The following HS6ST3 variants were observed in gnomAD, a reference collection of about 807,000 sequenced individuals.
HS6ST3 encodes heparan sulfate 6-O-sulfotransferase 3, also known as heparan-sulfate 6-O-sulfotransferase 3.
HS6ST3 carries 12 observed loss-of-function variants against 36.7 expected under a neutral mutation model. The ratio of observed to expected loss-of-function variants is 0.33; its 90% CI spans 0.21 to 0.53. The LOEUF is 0.53. Among genes scored for constraint, HS6ST3 ranks in the 20% least tolerant of loss-of-function variants. HS6ST3 has a pLI of 0.95. For missense variants in HS6ST3, 584 were observed against 640.9 expected (o/e 0.91, Z 0.96); for synonymous variants, 240 against 257.5 (o/e 0.93, Z 0.65).
At position 96,626,582 on chromosome 13, in the gene HS6ST3, C is replaced by G. The variant is rs541935450; in HGVS notation, c.708-205908C>G. ...ATTTTATTTTATTCTTCAATTGTAC[C>G]TTGGTTGTTCTTGATCATTTACTAT... On this transcript the variant is annotated intron_variant, in intron 1 of 1. Coordinates refer to ENST00000376705, the MANE Select transcript of HS6ST3 (RefSeq NM_153456.4). Among the ~76,000 whole-genome samples, 24 of 151,996 alleles carry G rather than the reference C, an allele frequency of 1.6e-4. No individual in the cohort carries two copies. The South Asian group carries it at 4.2e-3, about 26-fold the overall frequency.
intron 1 of HS6ST3, among the ~76,000 whole-genome samples, chr13:96,831,612 A>T (rs1878783059): frequency 6.6e-6 from 1 of 152,146 alleles, no homozygotes; most frequent in Non-Finnish European, 1.5e-5. Context: ...CACCCAACGC[A>T]TCCTTCCTCA....
intron 1 of HS6ST3, among the ~76,000 whole-genome samples, chr13:96,305,361 T>C (rs2054906996): frequency 6.6e-6 from 1 of 152,190 alleles, no homozygotes; most frequent in Non-Finnish European, 1.5e-5. Flanking sequence ...GGCAATAAAG[T>C]TTGATAGCAA....
intron 1 of HS6ST3, among the ~76,000 whole-genome samples, chr13:96,113,617 T>C (rs1348702277): frequency 1.3e-5 from 2 of 152,188 alleles, no homozygotes; most frequent in Non-Finnish European, 2.9e-5. Flanking sequence ...AAAGCATAGA[T>C]ATAATATTCG....
chr13:96,781,825 T>C (rs533528411), intron 1 of HS6ST3, among the ~76,000 whole-genome samples: 3 of 152,214 alleles, frequency 2.0e-5, no homozygotes, highest in Non-Finnish European at 4.4e-5. Flanking sequence ...TTAGCTAAAA[T>C]TGCTTCCACT....
In HS6ST3 at chr13:96,832,071, G is replaced by A. The variant is rs113013659; in HGVS notation, c.708-419G>A. 7.6e-3 allele frequency among the ~76,000 whole-genome samples: 1,140 copies of A among 149,828 alleles called. 19 individuals are homozygous for A. The highest frequency in any genetic ancestry group is 0.026 in the African/African-American group (1,074 of 40,670). On this transcript the variant is annotated intron_variant, in intron 1 of 1. Transcript: ENST00000376705. ...TTCACCTCCTTCATGTAACCCTATC[G>A]TATAGAACCCCATCTACCAAAAAGG...
At chr13:96,182,112 T>G (rs1335007515) in intron 1 of HS6ST3, among the ~76,000 whole-genome samples, 1 of 152,128 alleles carries the variant, frequency 6.6e-6, no homozygotes, top group Non-Finnish European at 1.5e-5. Context: ...AACATCAGAG[T>G]TCGTGACTAT....
At chr13:96,658,268 C>CTTTTTTT (rs71213623) in intron 1 of HS6ST3, among the ~76,000 whole-genome samples, 13 of 76,162 alleles carry the variant, frequency 1.7e-4, no homozygotes, top group South Asian at 1.1e-3. Flanking sequence ...TCTTCTTCTT[C>CTTTTTTT]TTTTTTTTTT....
chr13:96,828,025 G>T lies in HS6ST3; in HGVS notation c.708-4465G>T, dbSNP rs139482870. Among the ~76,000 whole-genome samples the T allele has an allele frequency of 2.1e-3, 317 of 152,302 alleles. 1 individual carries two copies. Among genetic ancestry groups the T allele is most frequent in the African/African-American group, 7.6e-3 (316 of 41,572 alleles). ...CAGTACTTCCTCTTGGAGCCCAGAAGCTGTGTCAGTCACTTTCTGCTTTCC... is the reference window on the plus strand; with the variant it reads ...CAGTACTTCCTCTTGGAGCCCAGAATCTGTGTCAGTCACTTTCTGCTTTCC... On this transcript the variant is annotated intron_variant, in intron 1 of 1. Coordinates refer to ENST00000376705, the MANE Select transcript of HS6ST3 (RefSeq NM_153456.4).
chr13:96,696,087 A>G (rs902023831), intron 1 of HS6ST3, among the ~76,000 whole-genome samples: 3 of 152,334 alleles, frequency 2.0e-5, no homozygotes, highest in Non-Finnish European at 4.4e-5. Context: ...GAGAAATTGT[A>G]GGAGATATGT....
intron 1 of HS6ST3, among the ~76,000 whole-genome samples, chr13:96,801,510 A>G (rs898098670): frequency 3.2e-4 from 49 of 152,030 alleles, no homozygotes; most frequent in African/African-American, 1.2e-3. Flanking sequence ...TTGCCTTTAT[A>G]TATGTGTGTG....
At position 96,471,120 on chromosome 13, in the gene HS6ST3, TTTA is replaced by T. The variant is rs533732349; in HGVS notation, c.708-361362_708-361360del. Among the ~76,000 whole-genome samples, 380 of 152,246 alleles carry T rather than the reference TTTA, an allele frequency of 2.5e-3. 2 individuals are homozygous for T. The highest frequency in any genetic ancestry group is 8.7e-3 in the African/African-American group (362 of 41,542). ...TCCACCAGCATAAGCAAGAGGAGAA[TTTA>T]TTATTATGACTTAGAGTTACACCTT... On this transcript the variant is annotated intron_variant, in intron 1 of 1. Transcript: ENST00000376705.
chr13:96,740,337 A>T (rs1876406552), intron 1 of HS6ST3, among the ~76,000 whole-genome samples: 1 of 152,206 alleles, frequency 6.6e-6, no homozygotes, highest in Non-Finnish European at 1.5e-5. Flanking sequence ...GAGAATGAAC[A>T]CAAAGGCTCC....
chr13:96,729,757 C>T (rs1019497130), intron 1 of HS6ST3, among the ~76,000 whole-genome samples: 6 of 152,144 alleles, frequency 3.9e-5, no homozygotes, highest in African/African-American at 4.8e-5. Context: ...TGAGCAACCA[C>T]GCCCGGCCCC....
chr13:96,317,351 TATATATATATATATATAAAATTA>T (rs2054977703), intron 1 of HS6ST3, among the ~76,000 whole-genome samples: 3 of 26,900 alleles, frequency 1.1e-4, no homozygotes, highest in Non-Finnish European at 2.1e-4. Context: ...TATATATATA[TATATATATATATATATAAAATTA>T]TATATATATA....
chr13:96,137,800 G>T (rs1257750487), intron 1 of HS6ST3, among the ~76,000 whole-genome samples: 1 of 152,150 alleles, frequency 6.6e-6, no homozygotes, highest in African/African-American at 2.4e-5. Context: ...AGCAGATAAG[G>T]AAGTTGCAGG....
chr13:96,532,365 C>A (rs1282976711), intron 1 of HS6ST3, among the ~76,000 whole-genome samples: 3 of 152,210 alleles, frequency 2.0e-5, no homozygotes, highest in Non-Finnish European at 2.9e-5. Flanking sequence ...TGCTCAAATT[C>A]TTTCAGCTAG....
intron 1 of HS6ST3, among the ~76,000 whole-genome samples, chr13:96,628,562 T>C (rs2056520968): frequency 1.3e-5 from 2 of 152,108 alleles, no homozygotes; most frequent in Non-Finnish European, 2.9e-5. Flanking sequence ...TATCAATTTT[T>C]GAGAGATTGC....
intron 1 of HS6ST3, among the ~76,000 whole-genome samples, chr13:96,475,098 C>T (rs1438261972): frequency 1.3e-5 from 2 of 151,900 alleles, no homozygotes; most frequent in Non-Finnish European, 2.9e-5. Context: ...CCTAAATAGA[C>T]CTTTTAATTT....
At chr13:96,243,003 T>C (rs2054568547) in intron 1 of HS6ST3, among the ~76,000 whole-genome samples, 1 of 152,252 alleles carries the variant, frequency 6.6e-6, no homozygotes, top group African/African-American at 2.4e-5. Context: ...ATTTTAATTT[T>C]TCTTATTTAC....
Sources: allele counts gnomAD v4.1 joint callset (sites outside exome capture counted in the v4.1 genomes callset), GRCh38; gene constraint gnomAD v4.1.1; transcripts MANE v1.5; gene names NCBI Gene and HGNC (gene_info 2026-07-23, HGNC 2026-07-21).